HSPA12A: variants seen among roughly 807,000 people sequenced by gnomAD.
HSPA12A encodes heat shock protein family A (Hsp70) member 12A.
HSPA12A carries 28 observed loss-of-function variants against 69.2 expected under a neutral mutation model. That is an observed-to-expected ratio of 0.40 (90% CI 0.30 to 0.55). The LOEUF (loss-of-function observed/expected upper bound fraction) is 0.55, where lower values mean the gene tolerates loss of function less well. Among genes scored for constraint, HSPA12A ranks in the 20% least tolerant of loss-of-function variants. The pLI is 0.38. For synonymous variants in HSPA12A, 345 were observed against 370.5 expected, an observed-to-expected ratio of 0.93 and a Z score of 0.79; for missense variants, 686 against 900.7, an observed-to-expected ratio of 0.76 and a Z score of 3.05.
intron 2 of HSPA12A, among the ~76,000 whole-genome samples, chr10:116,769,993 C>CA (rs1263552934): frequency 6.6e-6 from 1 of 152,188 alleles, no homozygotes; most frequent in Non-Finnish European, 1.5e-5. Flanking sequence ...GATGACGCCA[C>CA]AGAGCTCCAA....
chr10:116,849,891 C>T (rs1450211862), upstream of HSPA12A: 1 of 853,710 alleles, frequency 1.2e-6, no homozygotes, highest in Non-Finnish European at 1.9e-6. Context: ...AGGGAAGGAG[C>T]GGGAAGGACA....
Position 116,696,002 on chromosome 10 carries a change from CA to C in HSPA12A, c.546+2632del, listed in dbSNP as rs71013609. Among the ~76,000 whole-genome samples, 153 of 32,706 alleles carry C rather than the reference CA, an allele frequency of 4.7e-3. 1 individual carries two copies. Among genetic ancestry groups the C allele is most frequent in the South Asian group, 0.014 (6 of 440 alleles). 21.5% of individuals were successfully genotyped at this position (32,706 alleles called of 152,430 possible). On this transcript the variant is annotated intron_variant, in intron 5 of 11. Coordinates refer to ENST00000369209, the MANE Select transcript of HSPA12A (RefSeq NM_025015.3). ...TGGGCAACAGAGAGAGACTCCATCT[CA>C]AAAAAAAAAAAAAAAAAAAAGGCTT...
At chr10:116,822,710 A>C (rs1285813537) in intron 2 of HSPA12A, among the ~76,000 whole-genome samples, 2 of 152,226 alleles carry the variant, frequency 1.3e-5, no homozygotes, top group East Asian at 3.9e-4. Flanking sequence ...GTCCCATTGG[A>C]CATTTTTATC....
intron 2 of HSPA12A, among the ~76,000 whole-genome samples, chr10:116,777,764 G>A (rs1844373503): frequency 6.6e-6 from 1 of 152,234 alleles, no homozygotes; most frequent in Non-Finnish European, 1.5e-5. Flanking sequence ...GTCTCACTCT[G>A]TCACCCAGGC....
chr10:116,680,070 A>C (rs1849360631), intron 9 of HSPA12A, among the ~76,000 whole-genome samples: 1 of 152,180 alleles, frequency 6.6e-6, no homozygotes, highest in African/African-American at 2.4e-5. Flanking sequence ...GGCTCACTGC[A>C]ATCTCCGCCT....
chr10:116,781,777 T>C (rs1187133249), intron 2 of HSPA12A, among the ~76,000 whole-genome samples: 1 of 152,194 alleles, frequency 6.6e-6, no homozygotes, highest in Non-Finnish European at 1.5e-5. Flanking sequence ...CTGCCTTTTC[T>C]GAGGTTGGGT....
intron 1 of HSPA12A, among the ~76,000 whole-genome samples, chr10:116,728,602 T>C (rs1554885336): frequency 2.6e-5 from 4 of 152,162 alleles, no homozygotes; most frequent in Non-Finnish European, 5.9e-5. Context: ...CAGCACTGAT[T>C]ATCGCATTCT....
At chr10:116,774,775 C>T (rs936513975) in intron 2 of HSPA12A, among the ~76,000 whole-genome samples, 2 of 152,212 alleles carry the variant, frequency 1.3e-5, no homozygotes, top group Admixed American at 1.3e-4. Context: ...TGCCTGCCCA[C>T]GTGGCCCTGG....
chr10:116,751,899 TC>T (rs1851784511), intron 2 of HSPA12A, among the ~76,000 whole-genome samples: 1 of 152,110 alleles, frequency 6.6e-6, no homozygotes, highest in Non-Finnish European at 1.5e-5. Flanking sequence ...CCATTTGCCT[TC>T]ACCATAATTG....
chr10:116,776,039 G>A (rs1279248397), intron 2 of HSPA12A, among the ~76,000 whole-genome samples: 1 of 152,198 alleles, frequency 6.6e-6, no homozygotes, highest in Non-Finnish European at 1.5e-5. Flanking sequence ...CTGGCCTCCA[G>A]TTAAGTGACC....
chr10:116,769,730 C>T (rs782491859), intron 2 of HSPA12A, among the ~76,000 whole-genome samples: 1 of 152,214 alleles, frequency 6.6e-6, no homozygotes, highest in East Asian at 1.9e-4. Flanking sequence ...ATTCAGTTAT[C>T]AACTCTCCTG....
intron 1 of HSPA12A, among the ~76,000 whole-genome samples, chr10:116,734,595 A>G (rs1320835207): frequency 1.3e-5 from 2 of 151,690 alleles, no homozygotes; most frequent in Non-Finnish European, 2.9e-5. Context: ...GGAATGGAAC[A>G]ATACTAAAAC....
At chr10:116,817,387 T>C (rs1845325340) in intron 2 of HSPA12A, among the ~76,000 whole-genome samples, 1 of 152,182 alleles carries the variant, frequency 6.6e-6, no homozygotes, top group South Asian at 2.1e-4. Context: ...GCTTCTGTGC[T>C]GGGTGCTAAC....
chr10:116,744,492 C>G (rs527790267), upstream of HSPA12A, among the ~76,000 whole-genome samples: 21 of 152,344 alleles, frequency 1.4e-4, no homozygotes, highest in East Asian at 3.5e-3. Flanking sequence ...TTGGGCGCCA[C>G]GTGCCCTCAT....
At chr10:116,780,457 TCCTCCCACCTCAG>T (rs1844440097) in intron 2 of HSPA12A, among the ~76,000 whole-genome samples, 1 of 152,070 alleles carries the variant, frequency 6.6e-6, no homozygotes, top group Admixed American at 6.5e-5. Context: ...ACTCGAGTGA[TCCTCCCACCTCAG>T]CCTCCTGAGT....
At chr10:116,767,406 T>G (rs1844103199) in intron 2 of HSPA12A, among the ~76,000 whole-genome samples, 1 of 152,074 alleles carries the variant, frequency 6.6e-6, no homozygotes, top group Non-Finnish European at 1.5e-5. Context: ...CCTGCAGAGC[T>G]AAGGCAGAGC....
At chr10:116,830,642 G>C (rs192925833) in intron 2 of HSPA12A, 1 of 152,022 alleles carries the variant, frequency 6.6e-6, no homozygotes, top group Non-Finnish European at 1.5e-5. Flanking sequence ...ATGTGGTGGT[G>C]CATGCCTGTA....
intron 1 of HSPA12A, among the ~76,000 whole-genome samples, chr10:116,836,301 A>T (rs1845709467): frequency 6.6e-6 from 1 of 151,922 alleles, no homozygotes; most frequent in African/African-American, 2.4e-5. Context: ...GGAGGTTTAG[A>T]CCTGTCAACA....
At chr10:116,801,361 C>T (rs1020726617) in intron 2 of HSPA12A, among the ~76,000 whole-genome samples, 1 of 152,186 alleles carries the variant, frequency 6.6e-6, no homozygotes, top group Non-Finnish European at 1.5e-5. Flanking sequence ...GTGTAAACAA[C>T]CAATCACGCT....
Sources: gnomAD v4.1 joint callset for allele counts (sites outside exome capture counted in the v4.1 genomes callset) on GRCh38, gnomAD v4.1.1 for gene constraint, MANE v1.5 for transcripts, NCBI Gene and HGNC (gene_info 2026-07-23, HGNC 2026-07-21) for gene names.